The following TRARG1 variants were observed in gnomAD, a reference collection of about 807,000 sequenced individuals.
TRARG1 encodes the protein trafficking regulator of GLUT4 (SLC2A4) 1 (gene/pseudogene).
A neutral mutation model predicts 13.3 loss-of-function variants in TRARG1; 16 were observed. The observed-to-expected ratio is 1.20, with a 90% confidence interval of 0.81 to 1.83. The LOEUF is 1.83. TRARG1 is among the 40% of genes most tolerant of loss of function. The pLI, the probability that TRARG1 is intolerant of heterozygous loss-of-function variation, is 0.00. For synonymous variants in TRARG1, 113 were observed against 106.2 expected (o/e 1.06, Z -0.39); for missense variants, 250 against 237.4 (o/e 1.05, Z -0.35).
At chr17:1,298,142 C>T (rs1432117532) in intron 2 of TRARG1, 109 bp from the exon 3 acceptor site, 1 of 1,362,550 alleles carries the variant, frequency 7.3e-7, no homozygotes, top group Non-Finnish European at 1.0e-6. Flanking sequence ...TCCCCTTATC[C>T]CTATTACCAC....
chr17:1,290,934 T>G (rs1177094681), intron 1 of TRARG1, among the ~76,000 whole-genome samples: 1 of 151,654 alleles, frequency 6.6e-6, no homozygotes, highest in Non-Finnish European at 1.5e-5. Flanking sequence ...AGCCAGAGTT[T>G]CGTTGTTGTG....
In TRARG1 at chr17:1,298,339, G is replaced by A. The variant is rs948187985; in HGVS notation, c.*75G>A. The A allele has an allele frequency of 6.5e-7, 1 of 1,544,982 alleles. No individual in the cohort carries two copies. The highest frequency in any genetic ancestry group is 2.3e-5 in the East Asian group (1 of 43,832). ...AGCTCTGACCTGCACACCGCGGGAG[G>A]CCAGGGTGCTGACTGTCAAGCATCC... On this transcript the variant is annotated 3_prime_UTR_variant, in exon 3 of 3. Coordinates refer to ENST00000333813, the MANE Select transcript of TRARG1 (RefSeq NM_172367.3).
At chr17:1,289,743 T>C (rs1003277024) in intron 1 of TRARG1, among the ~76,000 whole-genome samples, 1 of 151,882 alleles carries the variant, frequency 6.6e-6, no homozygotes, top group Admixed American at 6.6e-5. Flanking sequence ...ATGGCCTCAA[T>C]TGCATCCCCG....
At position 1,296,261 on chromosome 17, in the gene TRARG1, A is replaced by G. The variant is rs2072109895; in HGVS notation, c.520+638A>G. 2.0e-5 allele frequency among the ~76,000 whole-genome samples: 3 copies of G among 152,070 alleles called. No homozygotes were observed. The South Asian group carries it at 6.2e-4, about 31-fold the overall frequency. Reference sequence around the variant, plus strand: ...GCCCAGGCTGGAGTGCAGTGGTGCGATCTCGGCTCACTGCAACCTCCGCCT... The same window carrying G: ...GCCCAGGCTGGAGTGCAGTGGTGCGGTCTCGGCTCACTGCAACCTCCGCCT... On this transcript the variant is annotated intron_variant, in intron 2 of 2. Coordinates refer to ENST00000333813, the MANE Select transcript of TRARG1 (RefSeq NM_172367.3).
Position 1,279,813 on chromosome 17 carries a change from C to T in TRARG1, c.-189C>T. ...GCGGGGGCAGCAGGCAGGCCCCAGCCTCTGAACTCAGCTGGCTTGAGAAGC... is the reference window on the plus strand; with the variant it reads ...GCGGGGGCAGCAGGCAGGCCCCAGCTTCTGAACTCAGCTGGCTTGAGAAGC... On this transcript the variant is annotated 5_prime_UTR_variant, in exon 1 of 3. Coordinates refer to ENST00000333813, the MANE Select transcript of TRARG1 (RefSeq NM_172367.3). 1.7e-6 allele frequency: 1 copy of T among 602,578 alleles called. No individual in the cohort carries two copies. The highest frequency in any genetic ancestry group is 2.9e-5 in the East Asian group (1 of 34,370). The allele number at this position is 602,578 out of a possible 1,614,324, so 37.3% of individuals were successfully genotyped here.
In TRARG1 at chr17:1,298,494, A is replaced by C; in HGVS notation, c.*230A>C. On this transcript the variant is annotated 3_prime_UTR_variant, in exon 3 of 3. Transcript: ENST00000333813. ...GCGAACCCAATGGGTAACGTGGTTT[A>C]CTCTCCCGGACGCGTCCTGGGATCT... 2.1e-6 allele frequency: 1 copy of C among 469,686 alleles called. No individual in the cohort carries two copies. The highest frequency in any genetic ancestry group is 3.8e-6 in the Non-Finnish European group (1 of 265,022). The allele number at this position is 469,686 out of a possible 1,614,324, so 29.1% of individuals were successfully genotyped here. A position where few individuals can be genotyped will look rare whatever the true frequency, so the allele number is the denominator to read the frequency against.
chr17:1,281,947 T>C (rs1442058031), intron 1 of TRARG1, among the ~76,000 whole-genome samples: 2 of 151,828 alleles, frequency 1.3e-5, no homozygotes, highest in African/African-American at 2.4e-5. Context: ...TGTACATATA[T>C]GCACATACAT....
At chr17:1,293,283 C>CAAAA (rs55792385) in intron 1 of TRARG1, among the ~76,000 whole-genome samples, 1,265 of 76,782 alleles carry the variant, frequency 0.016, 70 homozygotes, top group African/African-American at 0.057. Context: ...GACTCTGTCT[C>CAAAA]AAAAAAAAAA....
intron 1 of TRARG1, among the ~76,000 whole-genome samples, chr17:1,282,356 A>G (rs1475968361): frequency 6.6e-6 from 1 of 151,552 alleles, no homozygotes; most frequent in Non-Finnish European, 1.5e-5. Flanking sequence ...ATGCGTATAT[A>G]TGTATATATG....
chr17:1,292,433 TG>T (rs2072075723), intron 1 of TRARG1, among the ~76,000 whole-genome samples: 1 of 152,230 alleles, frequency 6.6e-6, no homozygotes, highest in East Asian at 1.9e-4. Context: ...CCGCTGCTCA[TG>T]GTATAAGGAC....
At chr17:1,282,037 C>CATATAT (rs2071978456) in intron 1 of TRARG1, among the ~76,000 whole-genome samples, 6 of 108,030 alleles carry the variant, frequency 5.6e-5, no homozygotes, top group Non-Finnish European at 1.3e-4. Context: ...TACATATATA[C>CATATAT]ACACATATGT....
At position 1,298,234 on chromosome 17, in the gene TRARG1, G is replaced by GT. The variant is rs751515154; in HGVS notation, c.521-9dup. 3.2e-5 allele frequency: 51 copies of GT among 1,612,930 alleles called. No individual in the cohort carries two copies. Among genetic ancestry groups the GT allele is most frequent in the Middle Eastern group, 1.6e-4 (1 of 6,070 alleles). On this transcript the variant is annotated splice_polypyrimidine_tract_variant and intron_variant, in intron 2 of 2. Transcript: ENST00000333813. Reference sequence around the variant, plus strand: ...TTCTGAGCCCTGTTCTGCCATATCTGTTTTTTTTCTTTACAGTTCAGAAGA... The same window carrying GT: ...TTCTGAGCCCTGTTCTGCCATATCTGTTTTTTTTTCTTTACAGTTCAGAAGA...
At position 1,280,056 on chromosome 17, in the gene TRARG1, G is replaced by A. The variant is rs199751182; in HGVS notation, c.55G>A (p.Ala19Thr). The A allele has an allele frequency of 1.2e-5, 20 of 1,613,390 alleles. No homozygotes were observed. Among genetic ancestry groups the A allele is most frequent in the East Asian group, 4.5e-5 (2 of 44,882 alleles). The change falls in exon 1 of 3, where the codon GCA becomes ACA. Residue 19 changes from alanine to threonine, a missense_variant. Transcript: ENST00000333813. ...FPSAQEPGSA[A>T]FLDLPEMEIL... ...TTCAGCACAGGAGCCAGGCTCCGCC[G>A]CATTCCTGGACCTGCCGGAGATGGA...
intron 1 of TRARG1, among the ~76,000 whole-genome samples, chr17:1,292,407 C>A (rs1331754528): frequency 1.3e-5 from 2 of 152,090 alleles, no homozygotes; most frequent in East Asian, 3.9e-4. Context: ...TCGGGACTCA[C>A]GTCCTACACT....
chr17:1,280,546 C>G (rs2071965994), intron 1 of TRARG1, among the ~76,000 whole-genome samples, 158 bp downstream of exon 1: 1 of 152,120 alleles, frequency 6.6e-6, no homozygotes, highest in Non-Finnish European at 1.5e-5. Context: ...CTCCTCCTTC[C>G]TCTTAGAGAG....
intron 2 of TRARG1, 107 bp from the exon 3 acceptor site, chr17:1,298,144 T>A: frequency 7.1e-7 from 1 of 1,399,494 alleles, no homozygotes; most frequent in Non-Finnish European, 1.0e-6. Context: ...CCCTTATCCC[T>A]ATTACCACTT....
rs1348301645 is a variant in TRARG1 at position 1,298,481 on chromosome 17, G to A, written c.*217G>A. The A allele has an allele frequency of 1.2e-5, 6 of 509,692 alleles. No individual in the cohort carries two copies. The highest frequency in any genetic ancestry group is 1.7e-5 in the Non-Finnish European group (5 of 288,394). The allele number at this position is 509,692 out of a possible 1,614,324, so 31.6% of individuals were successfully genotyped here. A position where few individuals can be genotyped will look rare whatever the true frequency, so the allele number is the denominator to read the frequency against. ...GAAGGAAAGCACAGCGAACCCAATG[G>A]GTAACGTGGTTTACTCTCCCGGACG... On this transcript the variant is annotated 3_prime_UTR_variant, in exon 3 of 3. Transcript: ENST00000333813.
intron 1 of TRARG1, among the ~76,000 whole-genome samples, chr17:1,287,427 CTT>C (rs1340330267): frequency 6.6e-6 from 1 of 151,768 alleles, no homozygotes; most frequent in African/African-American, 2.4e-5. Context: ...GTGGCACAAT[CTT>C]TGCTCACTGC....
intron 1 of TRARG1, among the ~76,000 whole-genome samples, chr17:1,282,664 T>C (rs2071992208): frequency 6.6e-6 from 1 of 151,272 alleles, no homozygotes; most frequent in South Asian, 2.1e-4. Flanking sequence ...CCACTGAACC[T>C]GGCCTGTTTC....
Sources: gnomAD v4.1 joint callset for allele counts (sites outside exome capture counted in the v4.1 genomes callset) on GRCh38, gnomAD v4.1.1 for gene constraint, MANE v1.5 for transcripts, NCBI Gene and HGNC (gene_info 2026-07-23, HGNC 2026-07-21) for gene names.